SRP72: variants seen among roughly 807,000 people sequenced by gnomAD.
The protein encoded by SRP72 is signal recognition particle 72, also known as signal recognition particle subunit SRP72.
SRP72 carries 49 observed loss-of-function variants against 96.3 expected under a neutral mutation model. The ratio of observed to expected loss-of-function variants is 0.51; its 90% CI spans 0.40 to 0.65. The LOEUF is 0.65. Ranked by LOEUF, SRP72 falls within the 30% of genes least tolerant of loss-of-function variation. The pLI, the probability that SRP72 is intolerant of heterozygous loss-of-function variation, is 0.00. For missense variants in SRP72, 736 were observed against 793.3 expected (o/e 0.93, Z 0.87); for synonymous variants, 267 against 275.2 (o/e 0.97, Z 0.30).
intron 5 of SRP72, chr4:56,475,715 G>A (rs917868640): frequency 1.3e-5 from 2 of 152,180 alleles, no homozygotes; most frequent in African/African-American, 4.8e-5. Flanking sequence ...CTCATACATT[G>A]TGGGTTTGAA....
chr4:56,479,947 G>A (rs914405305), intron 8 of SRP72, among the ~76,000 whole-genome samples: 1 of 152,174 alleles, frequency 6.6e-6, no homozygotes, highest in South Asian at 2.1e-4. Context: ...CTCTGTAGGA[G>A]TATAATCTGA....
At chr4:56,481,180 G>A (rs1293261197) in intron 8 of SRP72, among the ~76,000 whole-genome samples, 3 of 152,174 alleles carry the variant, frequency 2.0e-5, no homozygotes, top group Non-Finnish European at 4.4e-5. Flanking sequence ...CATTAAAGTA[G>A]TTTCAAATTG....
intron 9 of SRP72, 24 bp from the exon 10 acceptor site, chr4:56,484,711 CT>C: frequency 6.2e-7 from 1 of 1,610,462 alleles, no homozygotes; most frequent in Non-Finnish European, 8.5e-7. Flanking sequence ...GTTTATTTTT[CT>C]TGTGGGGGTT....
rs994296333 is a variant in SRP72 at position 56,500,656 on chromosome 4, A to G, written c.1799A>G (p.Lys600Arg). 17 of 1,613,950 alleles carry G rather than the reference A, an allele frequency of 1.1e-5. No individual in the cohort carries two copies. The highest frequency in any genetic ancestry group is 1.4e-5 in the Non-Finnish European group (17 of 1,179,896). The change falls in exon 18 of 19, where the codon AAA becomes AGA. Residue 600 changes from lysine (K) to arginine (R), a missense_variant. By Grantham distance (26) the Lys-to-Arg change is conservative. Around this residue, in one of 3 missense-constraint regions of SRP72, gnomAD observed 388 missense variants for 431.8 expected, o/e 0.90. Coordinates refer to ENST00000642900, the MANE Select transcript of SRP72 (RefSeq NM_006947.4). The part of the protein sequence containing the change: ...KKGKKKDQIG[K>R]GTQGATAGAS... Reference sequence around the variant, plus strand: ...GGTAAAAAGAAGGATCAGATTGGAAAAGGGACCCAGGGAGCAACTGCAGGA... The same window carrying G: ...GGTAAAAAGAAGGATCAGATTGGAAGAGGGACCCAGGGAGCAACTGCAGGA...
At chr4:56,497,843 C>T (rs1721131003) in intron 17 of SRP72, among the ~76,000 whole-genome samples, 1 of 152,124 alleles carries the variant, frequency 6.6e-6, no homozygotes, top group Admixed American at 6.6e-5. Flanking sequence ...GTGCTTCTCA[C>T]CATTTCACCA....
Position 56,469,654 on chromosome 4 carries a change from A to G in SRP72, c.111A>G (p.Ile37Met). 2 of 1,599,110 alleles carry G rather than the reference A, an allele frequency of 1.3e-6. No homozygotes were observed. The highest frequency in any genetic ancestry group is 1.7e-6 in the Non-Finnish European group (2 of 1,169,310). Residue 37 changes from isoleucine to methionine, a missense_variant and splice_region_variant, in exon 2 of 19, where the codon ATA (isoleucine) becomes ATG (methionine). Physicochemically the swap from Ile to Met is conservative, Grantham distance 10. Coordinates refer to ENST00000642900, the MANE Select transcript of SRP72 (RefSeq NM_006947.4). Reference sequence around the variant, plus strand: ...ACTTTTCCTAAAATTGTTCTCTAGTACTACAGATCAACAAAGATGACGTAA... The same window carrying G: ...ACTTTTCCTAAAATTGTTCTCTAGTGCTACAGATCAACAAAGATGACGTAA... Reference protein sequence around the residue: ...FTRALKTVNKILQINKDDVTA... With the variant: ...FTRALKTVNKMLQINKDDVTA...
intron 17 of SRP72, among the ~76,000 whole-genome samples, chr4:56,497,226 T>A (rs1300472222): frequency 2.0e-5 from 3 of 147,932 alleles, no homozygotes; most frequent in East Asian, 3.9e-4. Flanking sequence ...ATTTATTTAT[T>A]TTTTTTTTTT....
intron 9 of SRP72, 45 bp from the exon 10 acceptor site, chr4:56,484,691 T>G (rs756925515): frequency 1.9e-6 from 3 of 1,607,366 alleles, no homozygotes; most frequent in Non-Finnish European, 1.7e-6. Flanking sequence ...GTGTTTAATT[T>G]CATTAACCAG....
intron 8 of SRP72, 56 bp downstream of exon 8, chr4:56,478,705 T>C: frequency 6.5e-7 from 1 of 1,543,322 alleles, no homozygotes; most frequent in South Asian, 1.2e-5. Context: ...CTCATCACCC[T>C]AGTTTTAGTT....
chr4:56,492,838 CT>C (rs1170412707), intron 16 of SRP72, among the ~76,000 whole-genome samples: 1 of 151,970 alleles, frequency 6.6e-6, no homozygotes, highest in East Asian at 1.9e-4. Context: ...CACGCAGTTC[CT>C]TCTTTAGCCT....
intron 1 of SRP72, among the ~76,000 whole-genome samples, chr4:56,469,390 G>GT (rs1719873465): frequency 6.6e-6 from 1 of 151,994 alleles, no homozygotes. Flanking sequence ...CACTTTTTTG[G>GT]TACATGTATA....
Position 56,502,679 on chromosome 4 carries a change from C to T in SRP72, c.*818C>T, listed in dbSNP as rs1721307861. ...TCACATGGGTTTGGACTGTCTCAAT[C>T]AGAAAGATTAATGACTGTTATCAAG... On this transcript the variant is annotated 3_prime_UTR_variant, in exon 19 of 19. Transcript: ENST00000642900. 1 of 151,816 alleles carries T rather than the reference C, an allele frequency of 6.6e-6. No individual in the cohort carries two copies. Among genetic ancestry groups the T allele is most frequent in the African/African-American group, 2.4e-5 (1 of 41,300 alleles). The allele number at this position is 151,816 out of a possible 1,614,324, so 9.4% of individuals were successfully genotyped here. A position where few individuals can be genotyped will look rare whatever the true frequency, so the allele number is the denominator to read the frequency against.
At chr4:56,491,650 A>G in intron 16 of SRP72, 82 bp downstream of exon 16, 1 of 1,368,714 alleles carries the variant, frequency 7.3e-7, no homozygotes, top group Admixed American at 1.9e-5. Flanking sequence ...TAGAAATTTC[A>G]TGTGAATAAA....
intron 16 of SRP72, among the ~76,000 whole-genome samples, chr4:56,494,160 T>C (rs1374446631): frequency 1.1e-4 from 16 of 140,844 alleles, no homozygotes; most frequent in Non-Finnish European, 2.4e-4. Context: ...AGGGAGACAA[T>C]TTAGAATACT....
intron 10 of SRP72, among the ~76,000 whole-genome samples, chr4:56,485,833 G>A (rs1484126397): frequency 1.3e-5 from 2 of 151,974 alleles, no homozygotes; most frequent in Non-Finnish European, 1.5e-5. Flanking sequence ...GGTTGGAAAT[G>A]TATGACTGCC....
At chr4:56,495,235 C>A (rs1721035640) in intron 16 of SRP72, 122 bp from the exon 17 acceptor site, 2 of 502,272 alleles carry the variant, frequency 4.0e-6, no homozygotes, top group Non-Finnish European at 6.8e-6. Flanking sequence ...CTTTGGTAAG[C>A]TGATACCAAG....
At chr4:56,473,883 A>G (rs1442467776) in intron 3 of SRP72, among the ~76,000 whole-genome samples, 171 bp from the exon 4 acceptor site, 1 of 152,244 alleles carries the variant, frequency 6.6e-6, no homozygotes, top group Non-Finnish European at 1.5e-5. Context: ...ATTTATTTGA[A>G]AGTATGACTA....
At position 56,489,478 on chromosome 4, in the gene SRP72, C is replaced by T; in HGVS notation, c.1315C>T (p.His439Tyr). ...ACAAGCTATCCAGTGGTATCAAAAC[C>T]ATCAGGTAAATAAATGGAGTAAAAT... The part of the protein sequence containing the change: ...FTQAIQWYQN[H>Y]QPKSPAHLSL... The change falls in exon 13 of 19, where the codon CAT becomes TAT. Residue 439 changes from histidine to tyrosine, a missense_variant. Physicochemically the swap from His to Tyr is moderately conservative, Grantham distance 83 (BLOSUM62 2). Around this residue, in one of 3 missense-constraint regions of SRP72, gnomAD observed 388 missense variants for 431.8 expected, o/e 0.90. Transcript: ENST00000642900. 6.4e-7 allele frequency: 1 copy of T among 1,565,432 alleles called. No homozygotes were observed. The highest frequency in any genetic ancestry group is 8.7e-7 in the Non-Finnish European group (1 of 1,143,566).
At chr4:56,480,688 C>CA (rs1404901219) in intron 8 of SRP72, among the ~76,000 whole-genome samples, 5 of 152,040 alleles carry the variant, frequency 3.3e-5, no homozygotes, top group African/African-American at 1.2e-4. Context: ...CTGACTTTTT[C>CA]AAAATAGTAC....
Sources: allele counts gnomAD v4.1 joint callset (sites outside exome capture counted in the v4.1 genomes callset), GRCh38; gene constraint gnomAD v4.1.1; regional missense constraint gnomAD v4.1.1; transcripts MANE v1.5; gene names NCBI Gene and HGNC (gene_info 2026-07-23, HGNC 2026-07-21).